ULK4: variants seen among roughly 807,000 people sequenced by gnomAD.
ULK4 encodes unc-51 like kinase 4, also known as inactive serine/threonine-protein kinase ULK4.
Under a neutral mutation model 160.6 loss-of-function variants are expected in ULK4, and 133 were observed. The observed-to-expected ratio is 0.83, with a 90% confidence interval of 0.72 to 0.96. ULK4 has a LOEUF of 0.96. ULK4 is among the 40% of genes least tolerant of loss of function. ULK4 has a pLI of 0.00. For synonymous variants in ULK4, 534 were observed against 539.8 expected, an observed-to-expected ratio of 0.99 and a Z score of 0.15; for missense variants, 1,580 against 1,499.5, an observed-to-expected ratio of 1.05 and a Z score of -0.89.
At chr3:41,754,144 A>G (rs1329677063) in intron 22 of ULK4, among the ~76,000 whole-genome samples, 2 of 152,120 alleles carry the variant, frequency 1.3e-5, no homozygotes, top group African/African-American at 4.8e-5. Context: ...AAACCATATC[A>G]AGGGCACACC....
rs1241194283 is a variant in ULK4 at position 41,706,373 on chromosome 3, T to A, written c.2635-1068A>T. On this transcript the variant is annotated intron_variant, in intron 25 of 36. Transcript: ENST00000301831. ...AATATATATATATTTATATATATAT[T>A]TAATATATATATTTATATATATTAA... Among the ~76,000 whole-genome samples the A allele has an allele frequency of 6.3e-5, 9 of 141,884 alleles. No homozygotes were observed. In the East Asian group the frequency reaches 1.4e-3, roughly 22 times the overall value. The allele number at this position is 141,884 out of a possible 152,430, so 93.1% of individuals were successfully genotyped here.
chr3:41,717,637 C>T (rs1230340140), intron 23 of ULK4, 91 bp downstream of exon 23: 1 of 1,490,712 alleles, frequency 6.7e-7, no homozygotes, highest in Non-Finnish European at 9.1e-7. Flanking sequence ...CAAGAACAGA[C>T]AAGTAAGAAT....
chr3:41,622,862 T>G (rs1455218171), intron 30 of ULK4, among the ~76,000 whole-genome samples: 1 of 152,180 alleles, frequency 6.6e-6, no homozygotes, highest in Non-Finnish European at 1.5e-5. Flanking sequence ...CCCAAATATT[T>G]CAGGCTTTGC....
chr3:41,708,923 G>C (rs2036995779), intron 25 of ULK4, among the ~76,000 whole-genome samples: 1 of 152,068 alleles, frequency 6.6e-6, no homozygotes, highest in Non-Finnish European at 1.5e-5. Flanking sequence ...AAAGTTATAG[G>C]AAAATACTTA....
At chr3:41,607,649 A>C (rs1347240395) in intron 31 of ULK4, among the ~76,000 whole-genome samples, 1 of 152,212 alleles carries the variant, frequency 6.6e-6, no homozygotes, top group African/African-American at 2.4e-5. Flanking sequence ...GGTATGACAA[A>C]GATATCCTGT....
chr3:41,429,354 A>G (rs1379867113), intron 34 of ULK4, among the ~76,000 whole-genome samples: 1 of 152,186 alleles, frequency 6.6e-6, no homozygotes, highest in Middle Eastern at 3.2e-3. Context: ...TTCCTTAAAA[A>G]CCTAGAATCA....
At position 41,754,478 on chromosome 3, in the gene ULK4, G is replaced by A. The variant is rs1179805363; in HGVS notation, c.2204C>T (p.Ser735Phe). 6.2e-7 allele frequency: 1 copy of A among 1,612,084 alleles called. No individual in the cohort carries two copies. The highest frequency in any genetic ancestry group is 1.7e-5 in the Admixed American group (1 of 59,722). ...QRLIQEKGFV[S>F]TIIRLLDSPS... ...GCTGTCAAGTAAACGGATAATTGTG[G>A]AGACAAAACCCTGTAGAAGACATTT... Residue 735 changes from serine to phenylalanine, a missense_variant, in exon 22 of 37, where the codon TCC becomes TTC. Transcript: ENST00000301831.
rs747188966 is a variant in ULK4 at position 41,295,678 on chromosome 3, A to G, written c.3679-46104T>C. 9.0e-5 allele frequency among the ~76,000 whole-genome samples: 7 copies of G among 77,488 alleles called. 1 individual carries two copies. The highest frequency in any genetic ancestry group is 2.0e-4 in the Non-Finnish European group (6 of 30,662). The allele number at this position is 77,488 out of a possible 152,430, so 50.8% of individuals were successfully genotyped here. On this transcript the variant is annotated intron_variant, in intron 35 of 36. Transcript: ENST00000301831. ...ATAGATGGCAAATAAGCATATGAAA[A>G]GATGCTCCACATCGTTTGACATCAA...
At chr3:41,383,267 T>A (rs112040955) in intron 35 of ULK4, among the ~76,000 whole-genome samples, 38 of 152,062 alleles carry the variant, frequency 2.5e-4, no homozygotes, top group Middle Eastern at 3.4e-3. Flanking sequence ...CCTGGCTAAT[T>A]TTTATATTTT....
intron 2 of ULK4, among the ~76,000 whole-genome samples, chr3:41,952,997 CCA>C (rs1426359233): frequency 3.3e-5 from 5 of 151,646 alleles, no homozygotes; most frequent in South Asian, 2.1e-4. Flanking sequence ...GTAGTCAAAA[CCA>C]CAGAGACAAA....
chr3:41,840,949 C>CA (rs2041901500), intron 17 of ULK4, among the ~76,000 whole-genome samples: 1 of 150,812 alleles, frequency 6.6e-6, no homozygotes. Flanking sequence ...GCCCGGCCAC[C>CA]CCGTCTGGGA....
At chr3:41,549,775 G>T (rs2086996068) in intron 32 of ULK4, among the ~76,000 whole-genome samples, 1 of 151,606 alleles carries the variant, frequency 6.6e-6, no homozygotes, top group African/African-American at 2.4e-5. Flanking sequence ...GAAAAAGAAA[G>T]AATTCTAAAA....
At position 41,363,879 on chromosome 3, in the gene ULK4, T is replaced by C. The variant is rs183585521; in HGVS notation, c.3678+34200A>G. Among the ~76,000 whole-genome samples the C allele has an allele frequency of 3.7e-3, 557 of 152,146 alleles. 3 individuals are homozygous for C. Among genetic ancestry groups the C allele is most frequent in the African/African-American group, 0.013 (524 of 41,528 alleles). On this transcript the variant is annotated intron_variant, in intron 35 of 36. Coordinates refer to ENST00000301831, the MANE Select transcript of ULK4 (RefSeq NM_017886.4). ...TTCAGTTTTGAGATGTTAAGGGATG[T>C]GTCCAAGGAAGGGACAGAGTGAAGA...
intron 2 of ULK4, among the ~76,000 whole-genome samples, chr3:41,938,420 G>A (rs1332745370): frequency 2.0e-5 from 3 of 152,106 alleles, no homozygotes; most frequent in Non-Finnish European, 4.4e-5. Flanking sequence ...GCTCACACCT[G>A]TAACAATCCC....
At chr3:41,409,940 C>A (rs1414053011) in intron 34 of ULK4, among the ~76,000 whole-genome samples, 2 of 122,672 alleles carry the variant, frequency 1.6e-5, no homozygotes, top group Non-Finnish European at 3.3e-5. Context: ...CAGAGCGAGA[C>A]CCGGTCTCAA....
chr3:41,373,706 C>G (rs1262149327), intron 35 of ULK4, among the ~76,000 whole-genome samples: 1 of 152,026 alleles, frequency 6.6e-6, no homozygotes, highest in South Asian at 2.1e-4. Context: ...AATTGACAAC[C>G]TAACATCACA....
chr3:41,640,799 CT>C lies in ULK4; in HGVS notation c.3071+22807del, dbSNP rs570687812. 1.1e-3 allele frequency among the ~76,000 whole-genome samples: 172 copies of C among 152,120 alleles called. 2 individuals are homozygous for C. The highest frequency in any genetic ancestry group is 2.0e-3 in the Non-Finnish European group (139 of 68,000). The stretch of plus-strand genomic sequence containing the variant: ...AAGAATAATCCAACGATATATACAA[CT>C]TTTTTTTAATTGAATTGTTTCTTTT... On this transcript the variant is annotated intron_variant, in intron 30 of 36. Transcript: ENST00000301831.
At position 41,871,654 on chromosome 3, in the gene ULK4, C is replaced by T. The variant is rs139220286; in HGVS notation, c.1656+12220G>A. 2.2e-3 allele frequency among the ~76,000 whole-genome samples: 329 copies of T among 152,222 alleles called. 2 individuals carry two copies. The highest frequency in any genetic ancestry group is 7.6e-3 in the African/African-American group (314 of 41,540). On this transcript the variant is annotated intron_variant, in intron 17 of 36. Coordinates refer to ENST00000301831, the MANE Select transcript of ULK4 (RefSeq NM_017886.4). ...TATTCATATAGCCTCTTTGGTAAAA[C>T]GTTTCTCATGTCTTTTGCCCATTTT...
intron 35 of ULK4, among the ~76,000 whole-genome samples, chr3:41,305,663 G>T (rs1385916193): frequency 6.8e-6 from 1 of 147,346 alleles, no homozygotes; most frequent in South Asian, 2.2e-4. Flanking sequence ...AGTGAGGAGC[G>T]TCTCTGCCTG....
Sources: allele counts gnomAD v4.1 joint callset (sites outside exome capture counted in the v4.1 genomes callset), GRCh38; gene constraint gnomAD v4.1.1; transcripts MANE v1.5; gene names NCBI Gene and HGNC (gene_info 2026-07-23, HGNC 2026-07-21).